NUP160: variants seen among roughly 807,000 people sequenced by gnomAD.
NUP160 encodes the protein nucleoporin 160.
A neutral mutation model predicts 196.9 loss-of-function variants in NUP160; 94 were observed. The ratio of observed to expected loss-of-function variants is 0.48; its 90% CI spans 0.40 to 0.57. The LOEUF is 0.57. Ranked by LOEUF, NUP160 falls within the 20% of genes least tolerant of loss-of-function variation. The pLI is 0.00. For synonymous variants in NUP160, 605 were observed against 619.7 expected (o/e 0.98, Z 0.35); for missense variants, 1,638 against 1,748.3 (o/e 0.94, Z 1.13).
intron 34 of NUP160, 92 bp from the exon 35 acceptor site, chr11:47,780,539 C>G (rs550521088): frequency 1.9e-5 from 12 of 636,144 alleles, no homozygotes; most frequent in Admixed American, 1.5e-4. Flanking sequence ...AATAAAATAC[C>G]CTTTTTTTTT....
At chr11:47,841,375 G>A (rs2135403968) in intron 2 of NUP160, 1 of 437,066 alleles carries the variant, frequency 2.3e-6, no homozygotes, top group East Asian at 5.3e-5. Flanking sequence ...ATTTTCTTAT[G>A]CAAACTGTGA....
intron 7 of NUP160, among the ~76,000 whole-genome samples, chr11:47,826,252 T>C (rs1347777162): frequency 6.6e-6 from 1 of 152,160 alleles, no homozygotes; most frequent in African/African-American, 2.4e-5. Context: ...GAACTATACA[T>C]ATGCACCATC....
At chr11:47,840,146 T>A in intron 3 of NUP160, 81 bp from the exon 4 acceptor site, 2 of 1,086,484 alleles carry the variant, frequency 1.8e-6, no homozygotes, top group Non-Finnish European at 2.7e-6. Context: ...GCTAAAAAAG[T>A]TTTTAAAGTA....
rs1334818725 is a variant in NUP160 at position 47,788,518 on chromosome 11, G to A, written c.3605C>T (p.Ser1202Leu). 4 of 1,613,454 alleles carry A rather than the reference G, an allele frequency of 2.5e-6. No individual in the cohort carries two copies. The East Asian group carries it at 8.9e-5, about 36-fold the overall frequency. Reference sequence around the variant, plus strand: ...ATTCCTACCAGCAACTGCAACCGCTGATGGATCATGCTGAGCCAAAGTGAG... The same window carrying A: ...ATTCCTACCAGCAACTGCAACCGCTAATGGATCATGCTGAGCCAAAGTGAG... Residue 1202 changes from serine (S) to leucine (L), a missense_variant, in exon 30 of 36, where the codon TCA becomes TTA. Ser to Leu is a moderately radical substitution (Grantham distance 145, BLOSUM62 -2). Around this residue, in one of 3 missense-constraint regions of NUP160, gnomAD observed 1,345 missense variants for 1,470.2 expected, o/e 0.91. Transcript: ENST00000378460.
At chr11:47,824,829 GTTAAT>G (rs1231977755) in intron 7 of NUP160, among the ~76,000 whole-genome samples, 4 of 148,234 alleles carry the variant, frequency 2.7e-5, no homozygotes, top group Non-Finnish European at 4.5e-5. Flanking sequence ...TTTTTTTCAC[GTTAAT>G]TTAATTTAAT....
chr11:47,837,569 G>A (rs1333506040), exon 5 of NUP160: 1 of 1,614,074 alleles, frequency 6.2e-7, no homozygotes, highest in East Asian at 2.2e-5. Context: ...CATCCAGCCT[G>A]TAAGCAATCG....
intron 29 of NUP160, 93 bp from the exon 30 acceptor site, chr11:47,788,704 T>C (rs933131105): frequency 4.1e-6 from 3 of 735,468 alleles, no homozygotes; most frequent in Middle Eastern, 3.1e-4. Flanking sequence ...GAACATTAAG[T>C]AACATTCAAT....
At chr11:47,793,594 C>T (rs1599310087) in intron 27 of NUP160, among the ~76,000 whole-genome samples, 1 of 152,110 alleles carries the variant, frequency 6.6e-6, no homozygotes, top group African/African-American at 2.4e-5. Flanking sequence ...GATATTTCTA[C>T]ACCCATGTTC....
intron 34 of NUP160, among the ~76,000 whole-genome samples, chr11:47,782,232 G>T (rs1335844964): frequency 6.8e-6 from 1 of 147,210 alleles, no homozygotes; most frequent in Non-Finnish European, 1.5e-5. Context: ...TGCAGTGAGG[G>T]AGTAAGTGGA....
At chr11:47,805,534 T>C (rs941814973) in intron 20 of NUP160, among the ~76,000 whole-genome samples, 28 of 149,088 alleles carry the variant, frequency 1.9e-4, no homozygotes, top group Non-Finnish European at 4.0e-4. Flanking sequence ...AAGCTCCGCC[T>C]CCTGGGTTCA....
chr11:47,805,240 C>T (rs1263299048), intron 20 of NUP160, among the ~76,000 whole-genome samples: 1 of 151,986 alleles, frequency 6.6e-6, no homozygotes, highest in African/African-American at 2.4e-5. Context: ...AGTGATTCTC[C>T]TCCCTCAGCC....
At chr11:47,796,028 C>T (rs2097670693) in intron 27 of NUP160, 1 of 177,178 alleles carries the variant, frequency 5.6e-6, no homozygotes, top group Non-Finnish European at 1.2e-5. Context: ...GTGGTAGGCA[C>T]CTGTAATCCC....
chr11:47,828,001 C>G (rs1412061684), intron 7 of NUP160, among the ~76,000 whole-genome samples: 1 of 152,140 alleles, frequency 6.6e-6, no homozygotes, highest in Non-Finnish European at 1.5e-5. Flanking sequence ...CCTCAAATAG[C>G]TGGTACTATA....
chr11:47,817,342 C>CTTTTTT (rs904451058), intron 11 of NUP160, among the ~76,000 whole-genome samples: 1 of 132,442 alleles, frequency 7.6e-6, no homozygotes, highest in Non-Finnish European at 1.6e-5. Flanking sequence ...AAGCCAAAAA[C>CTTTTTT]TTTTTTTTTT....
intron 20 of NUP160, among the ~76,000 whole-genome samples, chr11:47,805,447 C>CTTTTT (rs34487443): frequency 5.7e-4 from 76 of 133,312 alleles, no homozygotes; most frequent in African/African-American, 2.0e-3. Flanking sequence ...TGAATAATGT[C>CTTTTT]TTTTTTTTTT....
exon 1 of NUP160, chr11:47,848,330 C>T (rs770629895): frequency 5.0e-6 from 8 of 1,613,798 alleles, no homozygotes; most frequent in South Asian, 2.2e-5. Flanking sequence ...TTCCCGCCGT[C>T]GCCGCGACGC....
At chr11:47,825,424 T>A (rs1362996860) in intron 7 of NUP160, among the ~76,000 whole-genome samples, 2 of 147,548 alleles carry the variant, frequency 1.4e-5, no homozygotes, top group Non-Finnish European at 3.0e-5. Context: ...GGATTATAGG[T>A]CCCCACCACC....
chr11:47,835,718 C>T lies in NUP160; in HGVS notation c.1034G>A (p.Arg345Gln), dbSNP rs1444921144. Residue 345 changes from arginine (R) to glutamine (Q), a missense_variant, in exon 7 of 36, where the codon CGG becomes CAG. By Grantham distance (43) the Arg-to-Gln change is conservative (BLOSUM62 1). Coordinates refer to ENST00000378460, the Ensembl canonical transcript of NUP160. ...TCCCATGGTGGGGGAATAAGCAAGC[C>T]GTAATTTGTGTCCAGTTCCAGCAGT... The T allele has an allele frequency of 8.7e-6, 14 of 1,606,024 alleles. No homozygotes were observed. The highest frequency in any genetic ancestry group is 4.5e-5 in the South Asian group (4 of 88,894).
Position 47,807,237 on chromosome 11 carries a change from T to C in NUP160, c.2376-97A>G, listed in dbSNP as rs574952538. 1.2e-5 allele frequency: 9 copies of C among 735,296 alleles called. No homozygotes were observed. The East Asian group carries it at 1.9e-4, about 15-fold the overall frequency. 45.5% of individuals were successfully genotyped at this position (735,296 alleles called of 1,614,324 possible). A position where few individuals can be genotyped will look rare whatever the true frequency, so the allele number is the denominator to read the frequency against. On this transcript the variant is annotated intron_variant, in intron 18 of 35. Coordinates refer to ENST00000378460, the Ensembl canonical transcript of NUP160. Reference sequence around the variant, plus strand: ...CGAAGAACACTGTCAATTTAATTAATAAATTGCACATAAAAGCTCCACTGA... The same window carrying C: ...CGAAGAACACTGTCAATTTAATTAACAAATTGCACATAAAAGCTCCACTGA...
Sources: allele counts gnomAD v4.1 joint callset (sites outside exome capture counted in the v4.1 genomes callset), GRCh38; gene constraint gnomAD v4.1.1; regional missense constraint gnomAD v4.1.1; transcripts MANE v1.5; gene names NCBI Gene and HGNC (gene_info 2026-07-23, HGNC 2026-07-21).